DLG2: variants seen among roughly 807,000 people sequenced by gnomAD.
DLG2 encodes the protein disks large homolog 2.
DLG2 carries 45 observed loss-of-function variants against 132.5 expected under a neutral mutation model. That is an observed-to-expected ratio of 0.34 (90% CI 0.27 to 0.44). DLG2 has a LOEUF of 0.44. DLG2 is among the 20% of genes least tolerant of loss of function. The probability of loss-of-function intolerance (pLI) is 1.00; values close to 1 mark genes in which losing one functional copy is unlikely to be tolerated. For missense variants in DLG2, 1,045 were observed against 1,196.9 expected, an observed-to-expected ratio of 0.87 and a Z score of 1.87; for synonymous variants, 424 against 419.6, an observed-to-expected ratio of 1.01 and a Z score of -0.13.
At chr11:85,322,678 T>C (rs986109631) in intron 3 of DLG2, among the ~76,000 whole-genome samples, 5 of 152,166 alleles carry the variant, frequency 3.3e-5, no homozygotes, top group African/African-American at 1.2e-4. Flanking sequence ...TCCACTAGTA[T>C]TTCTTACATC....
intron 21 of DLG2, among the ~76,000 whole-genome samples, chr11:83,528,150 T>G (rs1345440103): frequency 6.6e-6 from 1 of 152,144 alleles, no homozygotes; most frequent in African/African-American, 2.4e-5. Context: ...CTGCATAGGT[T>G]GGACTTATCT....
intron 19 of DLG2, among the ~76,000 whole-genome samples, chr11:83,562,273 C>T (rs1345916382): frequency 2.6e-5 from 4 of 152,058 alleles, no homozygotes; most frequent in South Asian, 4.1e-4. Context: ...GTTAAAGTGA[C>T]GCTTTAACTC....
intron 6 of DLG2, among the ~76,000 whole-genome samples, chr11:85,042,292 C>T (rs76585985): frequency 6.6e-6 from 1 of 151,852 alleles, no homozygotes; most frequent in Non-Finnish European, 1.5e-5. Flanking sequence ...TCCAAAGGCA[C>T]AGCTTGAAAT....
At chr11:84,276,741 C>T (rs943180391) in intron 7 of DLG2, among the ~76,000 whole-genome samples, 6 of 152,272 alleles carry the variant, frequency 3.9e-5, no homozygotes, top group East Asian at 1.9e-4. Context: ...GAATACCTAA[C>T]GGTACCTTTG....
intron 14 of DLG2, among the ~76,000 whole-genome samples, chr11:83,956,081 C>T (rs192716439): frequency 4.9e-4 from 75 of 152,282 alleles, no homozygotes; most frequent in African/African-American, 1.8e-3. Flanking sequence ...TCCAGCGAAC[C>T]CTGACTACAG....
intron 6 of DLG2, among the ~76,000 whole-genome samples, chr11:84,907,317 A>C (rs142016953): frequency 1.3e-5 from 2 of 152,340 alleles, no homozygotes; most frequent in Non-Finnish European, 2.9e-5. Flanking sequence ...TTGAGAAAAA[A>C]TATATATGTA....
At chr11:85,114,025 T>C (rs898435062) in intron 5 of DLG2, among the ~76,000 whole-genome samples, 1 of 151,916 alleles carries the variant, frequency 6.6e-6, no homozygotes, top group Non-Finnish European at 1.5e-5. Context: ...TTAAGTGTGG[T>C]TACTGAAAAT....
Position 85,255,897 on chromosome 11 carries a change from A to G in DLG2, c.186+29323T>C, listed in dbSNP as rs576359249. Among the ~76,000 whole-genome samples, 14 of 152,366 alleles carry G rather than the reference A, an allele frequency of 9.2e-5. No homozygotes were observed. In the South Asian group the frequency reaches 2.9e-3, roughly 32 times the overall value. ...AAATAACCATGTAATCTGGAAATCT[A>G]ACCAAGATGTCCTGTAATCGCTGTT... On this transcript the variant is annotated intron_variant, in intron 4 of 27. Transcript: ENST00000376104.
chr11:85,280,838 C>T (rs1198081353), intron 4 of DLG2, among the ~76,000 whole-genome samples: 9 of 151,954 alleles, frequency 5.9e-5, no homozygotes, highest in Non-Finnish European at 1.3e-4. Context: ...AATCAAACCT[C>T]GGAATAGATG....
intron 7 of DLG2, among the ~76,000 whole-genome samples, chr11:84,415,228 C>T (rs189941286): frequency 3.0e-4 from 45 of 152,184 alleles, no homozygotes; most frequent in Non-Finnish European, 5.3e-4. Flanking sequence ...TGACCTTTCT[C>T]TATGGGTAGA....
At chr11:85,181,384 A>G (rs1173413621) in intron 4 of DLG2, among the ~76,000 whole-genome samples, 1 of 151,730 alleles carries the variant, frequency 6.6e-6, no homozygotes, top group African/African-American at 2.4e-5. Flanking sequence ...AAATTAGAAA[A>G]TAGATATTTT....
At chr11:84,034,389 A>T (rs1472196664) in intron 11 of DLG2, among the ~76,000 whole-genome samples, 1 of 152,194 alleles carries the variant, frequency 6.6e-6, no homozygotes, top group African/African-American at 2.4e-5. Context: ...ACAAAAATAA[A>T]TTATGTGACT....
At chr11:84,571,355 A>G (rs1012095441) in intron 6 of DLG2, among the ~76,000 whole-genome samples, 1 of 148,362 alleles carries the variant, frequency 6.7e-6, no homozygotes, top group African/African-American at 2.5e-5. Flanking sequence ...CTCCTTCCAC[A>G]TCTTTGCCTC....
At chr11:85,340,303 G>A (rs1320508498) in intron 3 of DLG2, among the ~76,000 whole-genome samples, 2 of 152,174 alleles carry the variant, frequency 1.3e-5, no homozygotes, top group African/African-American at 4.8e-5. Context: ...GGAGTACTAT[G>A]CAGCTATAAA....
intron 15 of DLG2, among the ~76,000 whole-genome samples, chr11:83,908,497 C>T (rs148575605): frequency 4.6e-5 from 7 of 152,184 alleles, no homozygotes; most frequent in Middle Eastern, 3.4e-3. Flanking sequence ...CATATGCACG[C>T]ATGTACATAC....
chr11:83,865,404 T>C (rs1177460622), intron 16 of DLG2, among the ~76,000 whole-genome samples: 1 of 151,052 alleles, frequency 6.6e-6, no homozygotes, highest in Non-Finnish European at 1.5e-5. Context: ...GATGCCTTTG[T>C]AAATTATATT....
intron 9 of DLG2, among the ~76,000 whole-genome samples, chr11:84,101,779 T>C (rs1468416982): frequency 6.6e-6 from 1 of 152,112 alleles, no homozygotes; most frequent in African/African-American, 2.4e-5. Flanking sequence ...TCAGGGATAA[T>C]AATGTCTTGA....
At chr11:83,795,171 C>T (rs1327255320) in intron 17 of DLG2, among the ~76,000 whole-genome samples, 3 of 151,946 alleles carry the variant, frequency 2.0e-5, no homozygotes, top group Non-Finnish European at 2.9e-5. Context: ...TTTGGGAGGC[C>T]GAGGTGGGCA....
chr11:84,300,487 T>C lies in DLG2; in HGVS notation c.520-49196A>G, dbSNP rs77118272. Among the ~76,000 whole-genome samples, 1,459 of 152,318 alleles carry C rather than the reference T, an allele frequency of 9.6e-3. 16 individuals are homozygous for C. Among genetic ancestry groups the C allele is most frequent in the African/African-American group, 0.031 (1,297 of 41,562 alleles). On this transcript the variant is annotated intron_variant, in intron 7 of 27. Coordinates refer to ENST00000376104, the MANE Select transcript of DLG2 (RefSeq NM_001142699.3). ...TAAGAAGACCCTGCTATATTTAGGA[T>C]AGGTGGAAATTTATCTTACTAGGAA...
Sources: gnomAD v4.1 joint callset for allele counts (sites outside exome capture counted in the v4.1 genomes callset) on GRCh38, gnomAD v4.1.1 for gene constraint, MANE v1.5 for transcripts, NCBI Gene and HGNC (gene_info 2026-07-23, HGNC 2026-07-21) for gene names.